ITFG1: variants seen among roughly 807,000 people sequenced by gnomAD.
The protein encoded by ITFG1 is integrin alpha FG-GAP repeat containing 1.
A neutral mutation model predicts 81.8 loss-of-function variants in ITFG1; 34 were observed. The ratio of observed to expected loss-of-function variants is 0.42; its 90% CI spans 0.32 to 0.55. The LOEUF (loss-of-function observed/expected upper bound fraction) is 0.55. ITFG1 is among the 20% of genes least tolerant of loss of function. The pLI is 0.17. For missense variants in ITFG1, 672 were observed against 755.4 expected (o/e 0.89, Z 1.29); for synonymous variants, 285 against 270.6 (o/e 1.05, Z -0.52).
chr16:47,154,933 T>C lies in ITFG1; in HGVS notation c.*786A>G, dbSNP rs1964680622. On this transcript the variant is annotated 3_prime_UTR_variant, in exon 18 of 18. Coordinates refer to ENST00000320640, the MANE Select transcript of ITFG1 (RefSeq NM_030790.5). ...TTCTTCATGCCTGAAAATAAAATTC[T>C]ATCAAGTCTATGTATTTCTATAATT... is the stretch of plus-strand genomic sequence containing the variant. 1 of 152,244 alleles carries C rather than the reference T, an allele frequency of 6.6e-6. No individual in the cohort carries two copies. The highest frequency in any genetic ancestry group is 2.1e-4 in the South Asian group (1 of 4,834). The allele number at this position is 152,244 out of a possible 1,614,324, so 9.4% of individuals were successfully genotyped here.
intron 8 of ITFG1, among the ~76,000 whole-genome samples, chr16:47,331,579 T>G (rs1967637971): frequency 6.6e-6 from 1 of 152,214 alleles, no homozygotes; most frequent in Admixed American, 6.5e-5. Flanking sequence ...TCCTAACTTC[T>G]GCTTATACTC....
chr16:47,294,797 C>G (rs556750534), intron 10 of ITFG1, among the ~76,000 whole-genome samples: 1 of 152,160 alleles, frequency 6.6e-6, no homozygotes, highest in Non-Finnish European at 1.5e-5. Flanking sequence ...TAGACCATAT[C>G]TTTAGTGAAT....
intron 6 of ITFG1, among the ~76,000 whole-genome samples, chr16:47,407,306 C>A (rs1968741170): frequency 6.6e-6 from 1 of 152,098 alleles, no homozygotes; most frequent in Non-Finnish European, 1.5e-5. Context: ...GATTTCCTTG[C>A]AGACTTGATA....
intron 10 of ITFG1, among the ~76,000 whole-genome samples, chr16:47,303,671 T>A (rs1967112490): frequency 6.6e-6 from 1 of 152,230 alleles, no homozygotes; most frequent in South Asian, 2.1e-4. Context: ...TCACCCAGGC[T>A]GGAATGCAGT....
chr16:47,330,665 A>G (rs1967624659), intron 8 of ITFG1, among the ~76,000 whole-genome samples: 1 of 152,190 alleles, frequency 6.6e-6, no homozygotes, highest in Non-Finnish European at 1.5e-5. Context: ...TGGGCAAAGA[A>G]CATGAACAGA....
intron 10 of ITFG1, chr16:47,263,310 A>T: frequency 2.2e-6 from 1 of 464,218 alleles, no homozygotes. Context: ...GGCTATTCCT[A>T]TAACCTGGAA....
chr16:47,179,089 G>A (rs1965066671), intron 14 of ITFG1, among the ~76,000 whole-genome samples: 1 of 152,078 alleles, frequency 6.6e-6, no homozygotes, highest in African/African-American at 2.4e-5. Context: ...AGGTGCTGGA[G>A]AGGATGTGGA....
intron 6 of ITFG1, among the ~76,000 whole-genome samples, chr16:47,392,629 T>C (rs1393903930): frequency 1.3e-5 from 2 of 152,196 alleles, no homozygotes; most frequent in Admixed American, 1.3e-4. Context: ...TTTCTCTACT[T>C]CTTAATTAAT....
intron 6 of ITFG1, among the ~76,000 whole-genome samples, chr16:47,409,780 T>A (rs1297417343): frequency 6.6e-6 from 1 of 151,690 alleles, no homozygotes; most frequent in African/African-American, 2.4e-5. Flanking sequence ...TTTCCAAGCA[T>A]GACACAAAAC....
intron 5 of ITFG1, among the ~76,000 whole-genome samples, chr16:47,446,867 C>CT (rs765157745): frequency 2.9e-3 from 422 of 143,188 alleles, no homozygotes; most frequent in African/African-American, 4.1e-3. Flanking sequence ...CTGGTTTTTT[C>CT]TTTTTTTTTT....
At chr16:47,439,001 G>A (rs1218176814) in intron 5 of ITFG1, among the ~76,000 whole-genome samples, 1 of 152,176 alleles carries the variant, frequency 6.6e-6, no homozygotes, top group African/African-American at 2.4e-5. Flanking sequence ...GGACCTGACA[G>A]AGCTGAAAAC....
intron 6 of ITFG1, among the ~76,000 whole-genome samples, chr16:47,424,362 C>T (rs1163091497): frequency 2.0e-5 from 3 of 152,170 alleles, no homozygotes; most frequent in East Asian, 1.9e-4. Context: ...AGCTTCCTTG[C>T]GATGGGTTAG....
At chr16:47,227,550 T>C (rs1161544758) in intron 13 of ITFG1, among the ~76,000 whole-genome samples, 1 of 152,160 alleles carries the variant, frequency 6.6e-6, no homozygotes, top group Admixed American at 6.5e-5. Flanking sequence ...ACTAACCTGA[T>C]CTCTTGTGTG....
rs1968551195 is a variant in ITFG1, at chr16:47,392,959, C to A, written c.656-17019G>T. Among the ~76,000 whole-genome samples, 3 of 152,292 alleles carry A rather than the reference C, an allele frequency of 2.0e-5. No individual in the cohort carries two copies. In the South Asian group the frequency reaches 6.2e-4, roughly 32 times the overall value. On this transcript the variant is annotated intron_variant, in intron 6 of 17. Coordinates refer to ENST00000320640, the MANE Select transcript of ITFG1 (RefSeq NM_030790.5). Reference sequence around the variant, plus strand: ...TCACAGGTGTCTTAATCCAAGGCCACCCCTCCACAACTGGCAGGTAACTAA... The same window carrying A: ...TCACAGGTGTCTTAATCCAAGGCCAACCCTCCACAACTGGCAGGTAACTAA...
chr16:47,351,549 A>G (rs947487121), intron 8 of ITFG1, among the ~76,000 whole-genome samples: 3 of 152,200 alleles, frequency 2.0e-5, no homozygotes, highest in Non-Finnish European at 4.4e-5. Flanking sequence ...CCACTGCTCA[A>G]TGAAATAAAA....
At chr16:47,440,734 G>A (rs1005966097) in intron 5 of ITFG1, among the ~76,000 whole-genome samples, 6 of 151,972 alleles carry the variant, frequency 3.9e-5, no homozygotes, top group Non-Finnish European at 2.9e-5. Flanking sequence ...AGAGAAAGAA[G>A]GAAAGATCTA....
rs566979982 is a variant in ITFG1, at chr16:47,364,628, A to ATTT, written c.802+1159_802+1160insAAA. On this transcript the variant is annotated intron_variant, in intron 8 of 17. Transcript: ENST00000320640. ...TATCACTTGACTATTGGCATTAAAA[A>ATTT]CTGTAAAGGCAACAGAAATTTACTT... Among the ~76,000 whole-genome samples, 14 of 152,332 alleles carry ATTT rather than the reference A, an allele frequency of 9.2e-5. No homozygotes were observed. The South Asian group carries it at 2.9e-3, about 32-fold the overall frequency.
intron 10 of ITFG1, among the ~76,000 whole-genome samples, chr16:47,268,680 TG>T (rs1271215632): frequency 6.6e-6 from 1 of 152,218 alleles, no homozygotes; most frequent in Non-Finnish European, 1.5e-5. Flanking sequence ...GTGCATTTTT[TG>T]AACCATGTCT....
At chr16:47,244,589 TTTTG>T (rs1338995038) in intron 12 of ITFG1, among the ~76,000 whole-genome samples, 9 of 140,900 alleles carry the variant, frequency 6.4e-5, no homozygotes, top group Admixed American at 1.5e-4. Flanking sequence ...GTATTCCATC[TTTTG>T]TGTGTGTGTG....
Sources: gnomAD v4.1 joint callset for allele counts (sites outside exome capture counted in the v4.1 genomes callset) on GRCh38, gnomAD v4.1.1 for gene constraint, MANE v1.5 for transcripts, NCBI Gene and HGNC (gene_info 2026-07-23, HGNC 2026-07-21) for gene names.